Variants in ROBO2 observed in about 807,000 individuals in gnomAD.
ROBO2 encodes roundabout homolog 2.
A neutral mutation model predicts 160.8 loss-of-function variants in ROBO2; 53 were observed. The ratio of observed to expected loss-of-function variants is 0.33; its 90% confidence interval spans 0.26 to 0.41. The LOEUF (loss-of-function observed/expected upper bound fraction) is 0.41, where lower values mean the gene tolerates loss of function less well. Among genes scored for constraint, ROBO2 ranks in the 10% least tolerant of loss-of-function variants. ROBO2 has a pLI of 1.00. For missense variants in ROBO2, 1,577 were observed against 1,722.4 expected, an observed-to-expected ratio of 0.92 and a Z score of 1.49; for synonymous variants, 664 against 611.7, an observed-to-expected ratio of 1.09 and a Z score of -1.26.
intron 2 of ROBO2, among the ~76,000 whole-genome samples, chr3:77,438,911 T>C (rs1425457160): frequency 1.3e-5 from 2 of 152,048 alleles, no homozygotes; most frequent in Middle Eastern, 6.3e-3. Context: ...AGTGAAGTAG[T>C]TTTTTTGAGT....
At chr3:76,128,747 G>T (rs1274709489) in intron 2 of ROBO2, among the ~76,000 whole-genome samples, 1 of 152,000 alleles carries the variant, frequency 6.6e-6, no homozygotes, top group African/African-American at 2.4e-5. Context: ...GACAGTCAAA[G>T]AATATAAACT....
chr3:77,563,095 G>C, intron 10 of ROBO2, 72 bp from the exon 12 acceptor site: 3 of 1,452,374 alleles, frequency 2.1e-6, no homozygotes, highest in Middle Eastern at 2.4e-4. Flanking sequence ...TTAGTAGACT[G>C]CTTCCTTCTT....
chr3:77,172,829 A>G (rs1042025169), intron 2 of ROBO2, among the ~76,000 whole-genome samples: 1 of 152,212 alleles, frequency 6.6e-6, no homozygotes, highest in African/African-American at 2.4e-5. Flanking sequence ...TTTTCAGAAG[A>G]TTGTCTCAGA....
At chr3:76,555,774 GT>G (rs1027951505) in intron 2 of ROBO2, among the ~76,000 whole-genome samples, 50 of 152,146 alleles carry the variant, frequency 3.3e-4, no homozygotes, top group African/African-American at 1.2e-3. Context: ...ACAAAGGGTG[GT>G]TTAATGACCA....
chr3:77,637,592 T>C (rs886174578), intron 24 of ROBO2, among the ~76,000 whole-genome samples: 2 of 152,206 alleles, frequency 1.3e-5, no homozygotes, highest in African/African-American at 4.8e-5. Context: ...CTATTCGTAG[T>C]GTTCATCTAA....
chr3:77,468,093 C>T (rs556796744), intron 2 of ROBO2, among the ~76,000 whole-genome samples: 6 of 152,252 alleles, frequency 3.9e-5, no homozygotes, highest in African/African-American at 9.6e-5. Flanking sequence ...AGCAATGCCA[C>T]GTGAACAATT....
intron 2 of ROBO2, chr3:76,435,379 T>C: frequency 1.3e-6 from 1 of 782,820 alleles, no homozygotes; most frequent in Non-Finnish European, 2.4e-6. Context: ...TTCAAGACCC[T>C]ACAGCATGGG....
At chr3:76,633,719 CACA>C (rs544382893) in intron 2 of ROBO2, among the ~76,000 whole-genome samples, 2 of 152,144 alleles carry the variant, frequency 1.3e-5, no homozygotes, top group Non-Finnish European at 2.9e-5. Context: ...GATTAATCTG[CACA>C]ACAATTCTAT....
chr3:76,708,497 G>A (rs777900069), intron 2 of ROBO2, among the ~76,000 whole-genome samples: 10 of 152,062 alleles, frequency 6.6e-5, no homozygotes, highest in Non-Finnish European at 1.5e-4. Flanking sequence ...TGAATTATTT[G>A]CATAATAAAC....
At chr3:76,758,655 G>T (rs1243978367) in intron 2 of ROBO2, among the ~76,000 whole-genome samples, 2 of 151,782 alleles carry the variant, frequency 1.3e-5, no homozygotes, top group South Asian at 2.1e-4. Flanking sequence ...CCACCTCTCT[G>T]TTGGGAAAAT....
At position 76,741,435 on chromosome 3, in the gene ROBO2, T is replaced by C. The variant is rs1209854679; in HGVS notation, c.110-356579T>C. 2.0e-5 allele frequency among the ~76,000 whole-genome samples: 3 copies of C among 152,160 alleles called. No individual in the cohort carries two copies. The East Asian group carries it at 5.8e-4, about 29-fold the overall frequency. ...AGCCAGATAAACCCTAAAAGTCTTT[T>C]AACATAAGTGAAGATGCCCTTGCCT... On this transcript the variant is annotated intron_variant, in intron 2 of 26. Coordinates refer to the ROBO2 transcript ENST00000487694.
chr3:75,984,981 C>G (rs914619576), intron 2 of ROBO2, among the ~76,000 whole-genome samples: 9 of 151,392 alleles, frequency 5.9e-5, no homozygotes, highest in Non-Finnish European at 1.5e-5. Flanking sequence ...TTTCTAATCC[C>G]TATTAGTATC....
chr3:76,110,014 A>G (rs1194939223), intron 2 of ROBO2, among the ~76,000 whole-genome samples: 2 of 151,282 alleles, frequency 1.3e-5, no homozygotes, highest in East Asian at 3.9e-4. Context: ...ATGACTAAGT[A>G]GTATTGTTAT....
intron 2 of ROBO2, among the ~76,000 whole-genome samples, chr3:76,902,513 C>A (rs2075308872): frequency 6.6e-6 from 1 of 151,968 alleles, no homozygotes; most frequent in Admixed American, 6.6e-5. Context: ...CAAATTTATA[C>A]ATTTATTTTG....
chr3:77,605,459 A>G (rs2094508098), intron 20 of ROBO2, among the ~76,000 whole-genome samples: 1 of 152,088 alleles, frequency 6.6e-6, no homozygotes, highest in Non-Finnish European at 1.5e-5. Context: ...AGGTGTGTTG[A>G]TTTGTAATCC....
chr3:77,050,149 A>C (rs1482760825), intron 1 of ROBO2, among the ~76,000 whole-genome samples: 1 of 152,198 alleles, frequency 6.6e-6, no homozygotes, highest in Non-Finnish European at 1.5e-5. Flanking sequence ...ATTTAGAATG[A>C]ATCTAGCAAC....
chr3:76,944,218 G>C (rs1009558537), intron 2 of ROBO2, among the ~76,000 whole-genome samples: 2 of 151,782 alleles, frequency 1.3e-5, no homozygotes, highest in Non-Finnish European at 2.9e-5. Context: ...AAAATATTTT[G>C]TATACATACT....
chr3:76,223,549 C>T (rs1704107796), intron 2 of ROBO2, among the ~76,000 whole-genome samples: 1 of 152,152 alleles, frequency 6.6e-6, no homozygotes, highest in South Asian at 2.1e-4. Flanking sequence ...GCTTTCCAGA[C>T]ATCCCCATCC....
At chr3:76,500,878 A>C (rs2080425576) in intron 2 of ROBO2, among the ~76,000 whole-genome samples, 1 of 152,174 alleles carries the variant, frequency 6.6e-6, no homozygotes, top group South Asian at 2.1e-4. Context: ...CCAGTATAGC[A>C]TTCCTCAAAA....
Sources: gnomAD v4.1 joint callset for allele counts (sites outside exome capture counted in the v4.1 genomes callset) on GRCh38, gnomAD v4.1.1 for gene constraint, MANE v1.5 for transcripts, NCBI Gene and HGNC (gene_info 2026-07-23, HGNC 2026-07-21) for gene names.